LRP2: variants seen among roughly 807,000 people sequenced by gnomAD.
LRP2 encodes low-density lipoprotein receptor-related protein 2.
LRP2 carries 172 observed loss-of-function variants against 531.0 expected under a neutral mutation model. The ratio of observed to expected loss-of-function variants is 0.32; its 90% CI spans 0.29 to 0.37. The LOEUF is 0.37. Ranked by LOEUF, LRP2 falls within the 10% of genes least tolerant of loss-of-function variation. LRP2 has a pLI of 1.00. For missense variants in LRP2, 5,167 were observed against 5,868.3 expected, an observed-to-expected ratio of 0.88 and a Z score of 3.90; for synonymous variants, 1,992 against 2,027.6, an observed-to-expected ratio of 0.98 and a Z score of 0.47.
intron 9 of LRP2, among the ~76,000 whole-genome samples, chr2:169,285,281 G>A (rs138617420): frequency 1.1e-4 from 12 of 112,628 alleles, no homozygotes; most frequent in African/African-American, 3.3e-4. Flanking sequence ...GGGCGACAGT[G>A]AGACCCTATC....
chr2:169,338,190 GAGAAAGAAA>G (rs534000713), intron 1 of LRP2, among the ~76,000 whole-genome samples: 37 of 145,878 alleles, frequency 2.5e-4, no homozygotes, highest in East Asian at 1.0e-3. Flanking sequence ...GAAAGAAAGA[GAGAAAGAAA>G]AGAAAGAAAA....
intron 52 of LRP2, among the ~76,000 whole-genome samples, chr2:169,179,364 C>T (rs1486492487): frequency 6.6e-6 from 1 of 152,158 alleles, no homozygotes; most frequent in Admixed American, 6.5e-5. Context: ...ACCTTCCCTT[C>T]CAGTTCATCT....
intron 2 of LRP2, among the ~76,000 whole-genome samples, chr2:169,320,288 T>A (rs1478548296): frequency 6.6e-6 from 1 of 152,222 alleles, no homozygotes; most frequent in Non-Finnish European, 1.5e-5. Flanking sequence ...CTAGAATTTT[T>A]AAAAAACATA....
rs1688371702 is a variant in LRP2 at position 169,206,033 on chromosome 2, G to A, written c.7546C>T (p.Pro2516Ser). 3 of 1,614,076 alleles carry A rather than the reference G, an allele frequency of 1.9e-6. No homozygotes were observed. The highest frequency in any genetic ancestry group is 2.2e-5 in the South Asian group (2 of 91,080). ...VPKPRAIVLDPCQGYLYWADW... is the reference protein window; with the variant it reads ...VPKPRAIVLDSCQGYLYWADW... The stretch of plus-strand genomic sequence containing the variant: ...AAGATGATGGCATACCCTTGGCAGG[G>A]ATCTAACACAATTGCTCTTGGTTTT... Residue 2516 changes from proline (P) to serine (S), a missense_variant, in exon 40 of 79, where the codon CCC becomes TCC. Physicochemically the swap from Pro to Ser is moderately conservative, Grantham distance 74 (BLOSUM62 -1). This residue lies in a region of LRP2 where 1,129 missense variants were observed against 1,362.7 expected (regional missense o/e 0.83). Transcript: ENST00000649046.
intron 7 of LRP2, among the ~76,000 whole-genome samples, chr2:169,291,730 G>A (rs1004603814): frequency 6.6e-6 from 1 of 152,108 alleles, no homozygotes; most frequent in African/African-American, 2.4e-5. Context: ...CAACCCACGT[G>A]TTCCCAAGGT....
chr2:169,184,095 C>G (rs563686608), intron 50 of LRP2, among the ~76,000 whole-genome samples: 1 of 152,012 alleles, frequency 6.6e-6, no homozygotes, highest in East Asian at 1.9e-4. Context: ...TAGCTGAAAT[C>G]CAAGAGAAAC....
chr2:169,323,122 TG>T (rs144155319), intron 1 of LRP2, among the ~76,000 whole-genome samples: 2,063 of 152,250 alleles, frequency 0.014, 49 homozygotes, highest in African/African-American at 0.047. Context: ...ATGAAACTGA[TG>T]GGGAAATGTT....
chr2:169,215,291 T>C (rs192195937), intron 35 of LRP2, among the ~76,000 whole-genome samples: 148 of 152,276 alleles, frequency 9.7e-4, no homozygotes, highest in Non-Finnish European at 1.7e-3. Context: ...TACTGTTAAA[T>C]AGCAAGGAAG....
intron 38 of LRP2, 132 bp downstream of exon 38, chr2:169,209,321 A>G: frequency 3.8e-6 from 3 of 787,168 alleles, no homozygotes; most frequent in African/African-American, 1.7e-5. Context: ...TCTAGATTCA[A>G]TGTATCTTAA....
intron 10 of LRP2, 91 bp downstream of exon 10, chr2:169,282,782 T>C: frequency 7.1e-7 from 1 of 1,414,534 alleles, no homozygotes; most frequent in East Asian, 2.3e-5. Context: ...ACAACAAAAA[T>C]GCTGATAATT....
chr2:169,162,488 G>A lies in LRP2; in HGVS notation c.11871C>T (p.Ser3957=), dbSNP rs774044416. 10 of 1,614,014 alleles carry A rather than the reference G, an allele frequency of 6.2e-6. No individual in the cohort carries two copies. Among genetic ancestry groups the A allele is most frequent in the Admixed American group, 1.7e-5 (1 of 60,012 alleles). Residue 3957 remains serine (S), a synonymous_variant, in exon 63 of 79, where the codon TCC becomes TCT. Coordinates refer to ENST00000649046, the MANE Select transcript of LRP2 (RefSeq NM_004525.3). ...TTTACTTACTGCAACCCAGTTCATCGGACCAGTCACCACAGTCATCGGCAT... is the reference window on the plus strand; with the variant it reads ...TTTACTTACTGCAACCCAGTTCATCAGACCAGTCACCACAGTCATCGGCAT... ...CDDADDCGDW[S]DELGCNKGKE...
intron 1 of LRP2, among the ~76,000 whole-genome samples, chr2:169,338,404 G>GAAAAGA (rs764880300): frequency 1.5e-3 from 157 of 104,586 alleles, no homozygotes; most frequent in African/African-American, 5.3e-3. Context: ...AAGAAAGAAA[G>GAAAAGA]AAAGAAAAGA....
chr2:169,245,239 T>C (rs970708538), intron 21 of LRP2, among the ~76,000 whole-genome samples: 1 of 152,152 alleles, frequency 6.6e-6, no homozygotes, highest in Non-Finnish European at 1.5e-5. Context: ...GGAAATTGAG[T>C]CTTTGAGAGA....
intron 3 of LRP2, among the ~76,000 whole-genome samples, chr2:169,312,911 C>G (rs555438244): frequency 2.8e-4 from 43 of 152,264 alleles, no homozygotes; most frequent in African/African-American, 9.9e-4. Flanking sequence ...TCTTTTTACT[C>G]TTTTTTCTCT....
At chr2:169,157,969 A>C (rs145439761) in intron 63 of LRP2, among the ~76,000 whole-genome samples, 76 of 149,358 alleles carry the variant, frequency 5.1e-4, no homozygotes, top group South Asian at 4.4e-3. Flanking sequence ...AAAGACATGG[A>C]TACAGATAGG....
At chr2:169,278,808 A>C (rs1451045672) in intron 12 of LRP2, among the ~76,000 whole-genome samples, 1 of 152,198 alleles carries the variant, frequency 6.6e-6, no homozygotes, top group Non-Finnish European at 1.5e-5. Context: ...TCAAATGTGA[A>C]GATTGGGAAA....
At chr2:169,182,394 A>C in intron 50 of LRP2, 75 bp from the exon 51 acceptor site, 1 of 1,599,350 alleles carries the variant, frequency 6.3e-7, no homozygotes, top group Non-Finnish European at 8.5e-7. Flanking sequence ...CCAGTTTCCT[A>C]CCCAAGCTAC....
chr2:169,226,801 C>T (rs548775089), intron 31 of LRP2, among the ~76,000 whole-genome samples: 8 of 152,128 alleles, frequency 5.3e-5, no homozygotes, highest in Non-Finnish European at 7.4e-5. Flanking sequence ...CCACATACAA[C>T]GCTGTCTGGA....
chr2:169,255,637 G>A (rs1453167704), intron 19 of LRP2, among the ~76,000 whole-genome samples: 5 of 152,184 alleles, frequency 3.3e-5, no homozygotes, highest in Admixed American at 6.5e-5. Context: ...AAGTCATTCA[G>A]TCAGCATATA....
Sources: gnomAD v4.1 joint callset for allele counts (sites outside exome capture counted in the v4.1 genomes callset) on GRCh38, gnomAD v4.1.1 for gene constraint, gnomAD v4.1.1 regional missense constraint, MANE v1.5 for transcripts, NCBI Gene and HGNC (gene_info 2026-07-23, HGNC 2026-07-21) for gene names.